The following TMTC2 variants were observed in gnomAD, a reference collection of about 807,000 sequenced individuals.
TMTC2 encodes transmembrane O-mannosyltransferase targeting cadherins 2.
Under a neutral mutation model 82.4 loss-of-function variants are expected in TMTC2, and 43 were observed. The ratio of observed to expected loss-of-function variants is 0.52; its 90% CI spans 0.41 to 0.67. The LOEUF (loss-of-function observed/expected upper bound fraction) is 0.67. Among genes scored for constraint, TMTC2 ranks in the 30% least tolerant of loss-of-function variants. The pLI is 0.00. For synonymous variants in TMTC2, 408 were observed against 381.9 expected (o/e 1.07, Z -0.80); for missense variants, 919 against 1,012.4 (o/e 0.91, Z 1.25).
intron 7 of TMTC2, among the ~76,000 whole-genome samples, chr12:82,981,197 A>G (rs1878899721): frequency 6.6e-6 from 1 of 151,868 alleles, no homozygotes; most frequent in Non-Finnish European, 1.5e-5. Context: ...GTGGTCACAT[A>G]GGTTTCTTTA....
intron 8 of TMTC2, among the ~76,000 whole-genome samples, chr12:83,011,455 G>C (rs1880455094): frequency 6.6e-6 from 1 of 152,184 alleles, no homozygotes; most frequent in East Asian, 1.9e-4. Context: ...GTAAGGACTT[G>C]ATAGTCGTTA....
At chr12:82,738,259 A>G (rs575167625) in intron 1 of TMTC2, among the ~76,000 whole-genome samples, 2 of 152,312 alleles carry the variant, frequency 1.3e-5, no homozygotes, top group Non-Finnish European at 2.9e-5. Flanking sequence ...ATTGTTCATA[A>G]AAGTGCATCT....
chr12:82,896,404 A>T lies in TMTC2; in HGVS notation c.1241A>T (p.Tyr414Phe). The T allele has an allele frequency of 6.2e-7, 1 of 1,614,110 alleles. No homozygotes were observed. Among genetic ancestry groups the T allele is most frequent in the Non-Finnish European group, 8.5e-7 (1 of 1,180,016 alleles). ...GTTCCTGCCACGAACCTGTTTTTCT[A>T]TGTCGGCTTTGTAATTGCAGAGCGA... ...PFVPATNLFF[Y>F]VGFVIAERVL... The change falls in exon 3 of 12, where the codon TAT (tyrosine) becomes TTT (phenylalanine). Residue 414 changes from tyrosine to phenylalanine, a missense_variant. By Grantham distance (22) the Tyr-to-Phe change is conservative (BLOSUM62 3). Coordinates refer to ENST00000321196, the MANE Select transcript of TMTC2 (RefSeq NM_152588.3).
At chr12:82,988,140 A>T (rs1879246503) in intron 8 of TMTC2, among the ~76,000 whole-genome samples, 1 of 152,220 alleles carries the variant, frequency 6.6e-6, no homozygotes. Context: ...TTTAATGAAT[A>T]AAATATTAAG....
chr12:82,737,482 G>T (rs980013712), intron 1 of TMTC2, among the ~76,000 whole-genome samples: 11 of 152,122 alleles, frequency 7.2e-5, no homozygotes, highest in African/African-American at 2.4e-4. Context: ...CAGCCACTCT[G>T]TGGGAAACTT....
chr12:83,099,711 C>T (rs778342742), intron 11 of TMTC2, among the ~76,000 whole-genome samples: 1 of 151,698 alleles, frequency 6.6e-6, no homozygotes, highest in East Asian at 1.9e-4. Context: ...CAAAACAGAA[C>T]TTATGTTTTA....
intron 1 of TMTC2, among the ~76,000 whole-genome samples, chr12:82,735,497 C>T (rs867749542): frequency 3.9e-5 from 6 of 152,044 alleles, no homozygotes; most frequent in Admixed American, 6.5e-5. Flanking sequence ...AGGCGCCCGC[C>T]ACCACGCCCG....
At chr12:82,901,227 C>A (rs539192867) in intron 3 of TMTC2, among the ~76,000 whole-genome samples, 1 of 109,068 alleles carries the variant, frequency 9.2e-6, no homozygotes, top group Non-Finnish European at 1.9e-5. Context: ...AATATATATA[C>A]CTGGAATATA....
intron 1 of TMTC2, among the ~76,000 whole-genome samples, chr12:82,702,450 A>G (rs1873131772): frequency 6.6e-6 from 1 of 152,230 alleles, no homozygotes; most frequent in African/African-American, 2.4e-5. Context: ...CCGTATCTTA[A>G]TAAAACAAAT....
Position 83,021,555 on chromosome 12 carries a change from A to G in TMTC2, c.2071-9243A>G, listed in dbSNP as rs183552125. ...GGTTGCAGTGAGCTATAATCATGCC[A>G]CTACACTCCAGCCTAGGCAACAGAG... On this transcript the variant is annotated intron_variant, in intron 8 of 11. Coordinates refer to ENST00000321196, the MANE Select transcript of TMTC2 (RefSeq NM_152588.3). Among the ~76,000 whole-genome samples, 174 of 152,154 alleles carry G rather than the reference A, an allele frequency of 1.1e-3. 1 individual carries two copies. The highest frequency in any genetic ancestry group is 4.0e-3 in the African/African-American group (166 of 41,536).
intron 11 of TMTC2, among the ~76,000 whole-genome samples, chr12:83,117,425 A>G (rs181613417): frequency 1.8e-4 from 27 of 152,322 alleles, no homozygotes; most frequent in Admixed American, 7.8e-4. Flanking sequence ...ATTCACTACG[A>G]TCAAGTGGGT....
chr12:82,979,808 T>G (rs1247632577), intron 7 of TMTC2, among the ~76,000 whole-genome samples: 1 of 151,792 alleles, frequency 6.6e-6, no homozygotes, highest in Non-Finnish European at 1.5e-5. Context: ...CTCTCAGCTT[T>G]TGTCTGGGAC....
intron 1 of TMTC2, among the ~76,000 whole-genome samples, chr12:82,820,866 T>A (rs1016739622): frequency 6.6e-6 from 1 of 152,108 alleles, no homozygotes; most frequent in African/African-American, 2.4e-5. Context: ...TTACAAAAAA[T>A]TTCAAAAAAT....
intron 1 of TMTC2, among the ~76,000 whole-genome samples, chr12:82,763,714 T>G (rs1207654724): frequency 6.6e-6 from 1 of 152,124 alleles, no homozygotes; most frequent in African/African-American, 2.4e-5. Context: ...AAAATAAAGC[T>G]AAACAGATCA....
Position 82,896,509 on chromosome 12 carries a change from G to A in TMTC2, c.1346G>A (p.Arg449Gln), listed in dbSNP as rs1270709596. The change falls in exon 3 of 12, where the codon CGG (arginine) becomes CAG (glutamine). Residue 449 changes from arginine to glutamine, a missense_variant. Coordinates refer to ENST00000321196, the MANE Select transcript of TMTC2 (RefSeq NM_152588.3). ...ARALYVKVQK[R>Q]FLKSLIFYAT... ...GCCCTTTATGTCAAAGTCCAAAAGC[G>A]GTTCCTCAAGAGCTTGATTTTTTAT... 4 of 1,613,946 alleles carry A rather than the reference G, an allele frequency of 2.5e-6. No homozygotes were observed. In the East Asian group the frequency reaches 6.7e-5, roughly 27 times the overall value.
chr12:82,925,660 T>C (rs1280643707), intron 3 of TMTC2, among the ~76,000 whole-genome samples: 3 of 152,240 alleles, frequency 2.0e-5, no homozygotes, highest in African/African-American at 7.2e-5. Flanking sequence ...ATATCTGTTA[T>C]GGTAATCTGT....
chr12:83,124,615 A>G (rs1353530078), intron 11 of TMTC2, among the ~76,000 whole-genome samples: 1 of 151,220 alleles, frequency 6.6e-6, no homozygotes, highest in Admixed American at 6.6e-5. Flanking sequence ...TGGAAGAAGG[A>G]CTTTGTCAAT....
intron 11 of TMTC2, among the ~76,000 whole-genome samples, chr12:83,117,080 A>ATCC (rs1197462100): frequency 1.3e-5 from 2 of 152,220 alleles, no homozygotes; most frequent in Non-Finnish European, 2.9e-5. Flanking sequence ...TGAAGTCCTT[A>ATCC]TCCATGTTGA....
chr12:83,055,060 G>C (rs930557695), intron 10 of TMTC2, among the ~76,000 whole-genome samples: 2 of 151,986 alleles, frequency 1.3e-5, no homozygotes, highest in Admixed American at 6.6e-5. Flanking sequence ...GGGCTCAGCA[G>C]CTTTTACAGT....
Sources: gnomAD v4.1 joint callset for allele counts (sites outside exome capture counted in the v4.1 genomes callset) on GRCh38, gnomAD v4.1.1 for gene constraint, MANE v1.5 for transcripts, NCBI Gene and HGNC (gene_info 2026-07-23, HGNC 2026-07-21) for gene names.